BICD1: variants seen among roughly 807,000 people sequenced by gnomAD.
The protein encoded by BICD1 is BICD cargo adaptor 1, also known as protein bicaudal D homolog 1.
BICD1 carries 35 observed loss-of-function variants against 92.5 expected under a neutral mutation model. The ratio of observed to expected loss-of-function variants is 0.38; its 90% confidence interval spans 0.29 to 0.50. BICD1 has a LOEUF of 0.50. Ranked by LOEUF, BICD1 falls within the 20% of genes least tolerant of loss-of-function variation. BICD1 has a pLI of 0.93. For synonymous variants in BICD1, 429 were observed against 465.1 expected, an observed-to-expected ratio of 0.92 and a Z score of 1.00; for missense variants, 950 against 1,189.8, an observed-to-expected ratio of 0.80 and a Z score of 2.97.
rs1374490806 is a variant in BICD1, at chr12:32,378,160, T to C, written c.*533T>C. 6.6e-6 allele frequency: 1 copy of C among 152,406 alleles called. No individual in the cohort carries two copies. The highest frequency in any genetic ancestry group is 1.5e-5 in the Non-Finnish European group (1 of 68,192). The allele number at this position is 152,406 out of a possible 1,614,324, so 9.4% of individuals were successfully genotyped here. A position where few individuals can be genotyped will look rare whatever the true frequency, so the allele number is the denominator to read the frequency against. On this transcript the variant is annotated 3_prime_UTR_variant, in exon 10 of 10. Transcript: ENST00000652176. ...TTGCTCAATTAAGTATGAGTTTGAA[T>C]TTAGTTTGAAATCTGGAATTGGCCA...
chr12:32,258,240 CTTTCA>C (rs796385552), intron 2 of BICD1, among the ~76,000 whole-genome samples: 85 of 152,236 alleles, frequency 5.6e-4, no homozygotes, highest in African/African-American at 1.9e-3. Context: ...CATTTCAAAA[CTTTCA>C]TTTCAGTATT....
intron 1 of BICD1, among the ~76,000 whole-genome samples, chr12:32,163,573 TATG>T (rs1943662692): frequency 6.6e-6 from 1 of 152,214 alleles, no homozygotes; most frequent in African/African-American, 2.4e-5. Context: ...AAGACTGTAT[TATG>T]AGCATGTTTC....
intron 3 of BICD1, among the ~76,000 whole-genome samples, chr12:32,302,521 C>T (rs1411735059): frequency 6.6e-6 from 1 of 152,152 alleles, no homozygotes; most frequent in African/African-American, 2.4e-5. Flanking sequence ...GGTAATAACT[C>T]CTTGGAGTTG....
At chr12:32,235,702 CTT>C (rs112596407) in intron 2 of BICD1, among the ~76,000 whole-genome samples, 17 of 135,072 alleles carry the variant, frequency 1.3e-4, no homozygotes, top group Admixed American at 7.5e-5. Context: ...TTTTTCTTTT[CTT>C]TTTTTTTTTT....
intron 2 of BICD1, among the ~76,000 whole-genome samples, chr12:32,255,351 G>A (rs903408677): frequency 6.6e-6 from 1 of 152,010 alleles, no homozygotes; most frequent in East Asian, 1.9e-4. Flanking sequence ...TAGGAGTTTG[G>A]GGGAACTCAA....
intron 8 of BICD1, among the ~76,000 whole-genome samples, chr12:32,342,204 G>GTGTATATATATATATATA (rs375823999): frequency 1.1e-4 from 13 of 119,304 alleles, no homozygotes; most frequent in African/African-American, 4.2e-4. Context: ...GTGTGTGTGT[G>GTGTATATATATATATATA]TATATATATA....
At chr12:32,365,879 G>A (rs1292264398) in intron 8 of BICD1, among the ~76,000 whole-genome samples, 3 of 152,152 alleles carry the variant, frequency 2.0e-5, no homozygotes, top group African/African-American at 7.2e-5. Flanking sequence ...GGAAAACGGA[G>A]TTAAAAAAGG....
chr12:32,306,504 A>G (rs1196287523), intron 4 of BICD1, among the ~76,000 whole-genome samples: 1 of 151,912 alleles, frequency 6.6e-6, no homozygotes, highest in Non-Finnish European at 1.5e-5. Context: ...TTGGCCTCCA[A>G]AGTGCTGGGA....
chr12:32,174,328 T>C (rs1416646332), intron 1 of BICD1, among the ~76,000 whole-genome samples: 1 of 152,152 alleles, frequency 6.6e-6, no homozygotes, highest in Non-Finnish European at 1.5e-5. Context: ...TTTAATATTG[T>C]ATTTTTCAGT....
At chr12:32,210,030 A>G (rs933695099) in intron 1 of BICD1, among the ~76,000 whole-genome samples, 3 of 152,140 alleles carry the variant, frequency 2.0e-5, no homozygotes, top group East Asian at 1.9e-4. Context: ...CTGCTAGCCT[A>G]TGCTCTTGCC....
chr12:32,183,415 C>T (rs1456012216), intron 1 of BICD1, among the ~76,000 whole-genome samples: 3 of 151,896 alleles, frequency 2.0e-5, no homozygotes, highest in Admixed American at 1.3e-4. Flanking sequence ...CAGGCACGCG[C>T]GCCATCACGC....
intron 2 of BICD1, among the ~76,000 whole-genome samples, chr12:32,276,990 T>TC (rs942998600): frequency 3.9e-5 from 6 of 152,014 alleles, no homozygotes; most frequent in Non-Finnish European, 5.9e-5. Flanking sequence ...ACTCTGGACG[T>TC]CCCCCCCTAC....
rs557477259 is a variant in BICD1, at chr12:32,284,859, C to T, written c.427-9135C>T. ...AAGCACTGACTATATTTTGGTTCCTCCCACTACTTCAGAGGTTCGCGACAC... is the reference window on the plus strand; with the variant it reads ...AAGCACTGACTATATTTTGGTTCCTTCCACTACTTCAGAGGTTCGCGACAC... On this transcript the variant is annotated intron_variant, in intron 2 of 9. Coordinates refer to ENST00000652176, the MANE Select transcript of BICD1 (RefSeq NM_001714.4). 3.3e-5 allele frequency among the ~76,000 whole-genome samples: 5 copies of T among 152,294 alleles called. No individual in the cohort carries two copies. The South Asian group carries it at 1.0e-3, about 32-fold the overall frequency.
intron 1 of BICD1, among the ~76,000 whole-genome samples, chr12:32,127,982 C>G (rs1357888185): frequency 6.6e-6 from 1 of 151,756 alleles, no homozygotes; most frequent in Admixed American, 6.6e-5. Flanking sequence ...CAGTTCACTG[C>G]AGCCTCTGCC....
At position 32,107,325 on chromosome 12, in the gene BICD1, CGGGGCTATGGCCGCAGAAGA is replaced by C; in HGVS notation, c.-4_16del. ...GTAACCCCCTCCTGCCTCCATCCAC[CGGGGCTATGGCCGCAGAAGA>C]GGTATTGCAGACGGTGGACCATTAT... On this transcript the variant is annotated start_lost and 5_prime_UTR_variant, in exon 1 of 10. Transcript: ENST00000652176. 1 of 1,593,236 alleles carries C rather than the reference CGGGGCTATGGCCGCAGAAGA, an allele frequency of 6.3e-7. No individual in the cohort carries two copies. Among genetic ancestry groups the C allele is most frequent in the Non-Finnish European group, 8.5e-7 (1 of 1,169,934 alleles).
At chr12:32,200,014 A>T (rs1243590248) in intron 1 of BICD1, among the ~76,000 whole-genome samples, 1 of 151,888 alleles carries the variant, frequency 6.6e-6, no homozygotes, top group African/African-American at 2.4e-5. Flanking sequence ...TAACTTAACC[A>T]CTCAGTCAGT....
chr12:32,142,026 GGA>G (rs1344020148), intron 1 of BICD1, among the ~76,000 whole-genome samples: 3 of 152,102 alleles, frequency 2.0e-5, no homozygotes, highest in African/African-American at 7.2e-5. Context: ...GAACAAAACA[GGA>G]GAGAGCGGAT....
At chr12:32,277,269 C>A (rs1947301546) in intron 2 of BICD1, among the ~76,000 whole-genome samples, 1 of 152,164 alleles carries the variant, frequency 6.6e-6, no homozygotes, top group African/African-American at 2.4e-5. Context: ...TGGCACGCAC[C>A]TGTAATCCCA....
intron 4 of BICD1, among the ~76,000 whole-genome samples, chr12:32,315,901 T>G (rs1354267236): frequency 6.6e-6 from 1 of 152,020 alleles, no homozygotes; most frequent in African/African-American, 2.4e-5. Context: ...TTTGGGAGGC[T>G]GAGATGCGTG....
Sources: gnomAD v4.1 joint callset for allele counts (sites outside exome capture counted in the v4.1 genomes callset) on GRCh38, gnomAD v4.1.1 for gene constraint, MANE v1.5 for transcripts, NCBI Gene and HGNC (gene_info 2026-07-23, HGNC 2026-07-21) for gene names.